SLC4A8: variants seen among roughly 807,000 people sequenced by gnomAD.
SLC4A8 encodes solute carrier family 4 member 8.
SLC4A8 carries 40 observed loss-of-function variants against 125.0 expected under a neutral mutation model. The observed-to-expected ratio is 0.32, with a 90% confidence interval of 0.25 to 0.42. SLC4A8 has a LOEUF of 0.42. Among genes scored for constraint, SLC4A8 ranks in the 10% least tolerant of loss-of-function variants. The pLI, the probability that SLC4A8 is intolerant of heterozygous loss-of-function variation, is 1.00. For missense variants in SLC4A8, 863 were observed against 1,355.1 expected (o/e 0.64, Z 5.70); for synonymous variants, 456 against 476.0 (o/e 0.96, Z 0.55).
intron 1 of SLC4A8, among the ~76,000 whole-genome samples, chr12:51,411,045 G>GTTTT (rs58816269): frequency 8.1e-6 from 1 of 122,922 alleles, no homozygotes. Flanking sequence ...TGGCCAATCT[G>GTTTT]TTTTTTTTTT....
chr12:51,461,320 A>T, intron 9 of SLC4A8, 29 bp downstream of exon 9: 3 of 1,227,446 alleles, frequency 2.4e-6, no homozygotes, highest in Non-Finnish European at 3.6e-6. Context: ...TCAGTCTTCC[A>T]TCTCATAAAT....
chr12:51,448,915 A>G (rs1949875307), intron 2 of SLC4A8, among the ~76,000 whole-genome samples: 2 of 152,170 alleles, frequency 1.3e-5, no homozygotes, highest in African/African-American at 4.8e-5. Flanking sequence ...AGGAAACAGC[A>G]GAAGCTTGGG....
chr12:51,487,241 A>G (rs890000258), intron 17 of SLC4A8, among the ~76,000 whole-genome samples: 1 of 152,128 alleles, frequency 6.6e-6, no homozygotes, highest in Non-Finnish European at 1.5e-5. Context: ...GTCTCTCCCT[A>G]TTGTATCACA....
intron 24 of SLC4A8, among the ~76,000 whole-genome samples, chr12:51,507,138 C>T (rs1023241255): frequency 1.3e-5 from 2 of 152,216 alleles, no homozygotes; most frequent in Non-Finnish European, 1.5e-5. Context: ...TGAAAAGTCA[C>T]AGCCACCAGT....
chr12:51,476,963 G>A (rs1016029465), intron 16 of SLC4A8, among the ~76,000 whole-genome samples: 2 of 143,562 alleles, frequency 1.4e-5, no homozygotes, highest in African/African-American at 5.2e-5. Flanking sequence ...GCTGGAGTGC[G>A]ATGGTACAAT....
intron 1 of SLC4A8, among the ~76,000 whole-genome samples, chr12:51,434,163 C>G (rs1949324905): frequency 6.6e-6 from 1 of 152,088 alleles, no homozygotes; most frequent in Non-Finnish European, 1.5e-5. Context: ...GCATGAGTTG[C>G]AGAGCCTGGC....
chr12:51,457,620 G>A, intron 6 of SLC4A8, 81 bp downstream of exon 6: 6 of 1,314,972 alleles, frequency 4.6e-6, no homozygotes, highest in Non-Finnish European at 6.4e-6. Flanking sequence ...CTAGGGGTGG[G>A]GGCTGTATTT....
intron 1 of SLC4A8, among the ~76,000 whole-genome samples, chr12:51,400,765 TATATATATATATACATACATACAC>T (rs1156251539): frequency 0.029 from 226 of 7,918 alleles, 28 homozygotes; most frequent in South Asian, 0.064. Flanking sequence ...TATATATATA[TATATATATATATACATACATACAC>T]ACACACACAC....
intron 16 of SLC4A8, among the ~76,000 whole-genome samples, chr12:51,483,092 G>T (rs1043299326): frequency 6.6e-6 from 1 of 152,210 alleles, no homozygotes; most frequent in East Asian, 1.9e-4. Context: ...CCAAAGCTGG[G>T]TGAGATACCA....
intron 1 of SLC4A8, among the ~76,000 whole-genome samples, chr12:51,425,761 A>C (rs186248250): frequency 1.2e-3 from 180 of 152,350 alleles, no homozygotes; most frequent in African/African-American, 3.8e-3. Flanking sequence ...TGCCTCACAC[A>C]AACTTTGTGA....
chr12:51,497,201 C>A, intron 22 of SLC4A8, 77 bp downstream of exon 22: 1 of 1,440,906 alleles, frequency 6.9e-7, no homozygotes, highest in Non-Finnish European at 9.4e-7. Flanking sequence ...GAAAAGTCAG[C>A]ATGTCTGGAA....
At chr12:51,410,079 G>T (rs1360509841) in intron 1 of SLC4A8, among the ~76,000 whole-genome samples, 1 of 152,182 alleles carries the variant, frequency 6.6e-6, no homozygotes, top group Non-Finnish European at 1.5e-5. Flanking sequence ...GGATTCTGCA[G>T]CTGGGCCTCT....
chr12:51,460,504 T>C (rs1337303839), intron 8 of SLC4A8, among the ~76,000 whole-genome samples: 1 of 152,256 alleles, frequency 6.6e-6, no homozygotes, highest in Non-Finnish European at 1.5e-5. Flanking sequence ...ACAGTATCTA[T>C]AGCCTTGGAA....
At chr12:51,424,729 C>T (rs1031321455), upstream of SLC4A8, 3 of 459,594 alleles carry the variant, frequency 6.5e-6, no homozygotes, top group Non-Finnish European at 1.2e-5. Context: ...GCTCCTCCCC[C>T]TCCCCGCGGT....
intron 13 of SLC4A8, among the ~76,000 whole-genome samples, chr12:51,470,998 C>CT (rs898436652): frequency 1.3e-5 from 2 of 152,046 alleles, no homozygotes; most frequent in African/African-American, 4.8e-5. Context: ...TGGCCAGCCC[C>CT]TTTTTTTCTT....
At chr12:51,481,280 A>AT (rs941559156) in intron 16 of SLC4A8, among the ~76,000 whole-genome samples, 14 of 151,576 alleles carry the variant, frequency 9.2e-5, no homozygotes, top group Non-Finnish European at 1.8e-4. Context: ...TAATCATCTC[A>AT]TTTTTTTTCC....
upstream of SLC4A8, among the ~76,000 whole-genome samples, chr12:51,423,892 C>T (rs561416307): frequency 1.3e-5 from 2 of 151,818 alleles, no homozygotes; most frequent in East Asian, 1.9e-4. Context: ...AAAAATCAGC[C>T]GGGCGTGGTG....
rs1340711570 is a variant in SLC4A8 at position 51,424,930 on chromosome 12, G to A, written c.-58G>A. ...TGATCTGCTCAGACCCGACCAGAGG[G>A]CGCGGGCTGCTGATGCTTGGCTTGG... On this transcript the variant is annotated 5_prime_UTR_variant, in exon 1 of 25. Coordinates refer to ENST00000453097, the MANE Select transcript of SLC4A8 (RefSeq NM_001039960.3). The A allele has an allele frequency of 6.5e-7, 1 of 1,536,976 alleles. No individual in the cohort carries two copies. Among genetic ancestry groups the A allele is most frequent in the African/African-American group, 1.4e-5 (1 of 72,682 alleles).
chr12:51,413,694 C>T (rs1948633696), intron 1 of SLC4A8, among the ~76,000 whole-genome samples: 1 of 152,102 alleles, frequency 6.6e-6, no homozygotes, highest in Admixed American at 6.6e-5. Flanking sequence ...AGTGCATGTT[C>T]TTCATGCCTT....
Sources: gnomAD v4.1 joint callset for allele counts (sites outside exome capture counted in the v4.1 genomes callset) on GRCh38, gnomAD v4.1.1 for gene constraint, MANE v1.5 for transcripts, NCBI Gene and HGNC (gene_info 2026-07-23, HGNC 2026-07-21) for gene names.